Variants in CWF19L2 observed in about 807,000 individuals in gnomAD.
CWF19L2 encodes CWF19-like protein 2.
Under a neutral mutation model 111.7 loss-of-function variants are expected in CWF19L2, and 98 were observed. The observed-to-expected ratio is 0.88, with a 90% CI of 0.75 to 1.04. The LOEUF (loss-of-function observed/expected upper bound fraction) is 1.04. Among genes scored for constraint, CWF19L2 ranks in the 50% least tolerant of loss-of-function variants. CWF19L2 has a pLI of 0.00. For missense variants in CWF19L2, 1,101 were observed against 1,051.4 expected (o/e 1.05, Z -0.65); for synonymous variants, 351 against 342.9 (o/e 1.02, Z -0.26).
At chr11:107,439,541 C>T (rs1199340560) in intron 5 of CWF19L2, among the ~76,000 whole-genome samples, 1 of 152,034 alleles carries the variant, frequency 6.6e-6, no homozygotes, top group Non-Finnish European at 1.5e-5. Context: ...AATTCAAATC[C>T]CTCTCACAAT....
intron 1 of CWF19L2, 136 bp from the exon 2 acceptor site, chr11:107,455,912 T>C: frequency 1.8e-6 from 1 of 565,068 alleles, no homozygotes; most frequent in Non-Finnish European, 3.1e-6. Context: ...TTGCCAGGGA[T>C]TTGCTTCTCC....
At chr11:107,329,096 T>A (rs566793660) in intron 17 of CWF19L2, among the ~76,000 whole-genome samples, 17 of 152,250 alleles carry the variant, frequency 1.1e-4, no homozygotes, top group African/African-American at 4.1e-4. Context: ...AAGGCCCCTC[T>A]TTTTCAGAGG....
intron 3 of CWF19L2, among the ~76,000 whole-genome samples, chr11:107,448,348 A>C (rs1280459826): frequency 7.2e-6 from 1 of 139,426 alleles, no homozygotes; most frequent in Non-Finnish European, 1.6e-5. Context: ...CGTCACAAAA[A>C]AAAAAAAAAA....
intron 12 of CWF19L2, among the ~76,000 whole-genome samples, chr11:107,354,316 C>G (rs1174149509): frequency 6.6e-6 from 1 of 152,140 alleles, no homozygotes; most frequent in African/African-American, 2.4e-5. Context: ...TACATAAAGT[C>G]ATAATGGTTT....
intron 12 of CWF19L2, among the ~76,000 whole-genome samples, chr11:107,355,538 G>GAAAT (rs1257964934): frequency 2.0e-5 from 3 of 151,988 alleles, no homozygotes; most frequent in Non-Finnish European, 4.4e-5. Flanking sequence ...ATTTGAAGAT[G>GAAAT]GAGCAGTTCT....
At chr11:107,374,419 C>G (rs1321132935) in intron 12 of CWF19L2, among the ~76,000 whole-genome samples, 1 of 134,974 alleles carries the variant, frequency 7.4e-6, no homozygotes, top group African/African-American at 3.1e-5. Context: ...AACAGCAGAT[C>G]TCTCGGCAGA....
rs971101808 is a variant in CWF19L2, at chr11:107,368,220, A to T, written c.1873-14484T>A. On this transcript the variant is annotated intron_variant, in intron 12 of 17. Transcript: ENST00000282251. ...CTAGCTAAATTACCCAAGAGATAAGATCCAAATAAACAAAATCAGAAATGT... is the reference window on the plus strand; with the variant it reads ...CTAGCTAAATTACCCAAGAGATAAGTTCCAAATAAACAAAATCAGAAATGT... Among the ~76,000 whole-genome samples, 13 of 136,460 alleles carry T rather than the reference A, an allele frequency of 9.5e-5. 3 individuals are homozygous for T. Among genetic ancestry groups the T allele is most frequent in the African/African-American group, 3.8e-4 (13 of 34,144 alleles). The allele number at this position is 136,460 out of a possible 152,430, so 89.5% of individuals were successfully genotyped here. A position where few individuals can be genotyped will look rare whatever the true frequency, so the allele number is the denominator to read the frequency against.
chr11:107,393,474 T>C (rs1005468250), intron 10 of CWF19L2, among the ~76,000 whole-genome samples: 1 of 152,232 alleles, frequency 6.6e-6, no homozygotes, highest in Non-Finnish European at 1.5e-5. Flanking sequence ...GAGTAAACTT[T>C]ATTCTCTAAT....
At chr11:107,348,413 A>C (rs1218738926) in intron 14 of CWF19L2, among the ~76,000 whole-genome samples, 2 of 152,176 alleles carry the variant, frequency 1.3e-5, no homozygotes, top group African/African-American at 4.8e-5. Flanking sequence ...CCACAAAAAC[A>C]AATCCCTGAA....
Position 107,441,569 on chromosome 11 carries a change from T to C in CWF19L2, c.504A>G (p.Ser168=). ...TAGTTTCCTTTTCAGCTTTGAGTGA[T>C]GATGATGACACAGTTTTAACAGACA... is the stretch of plus-strand genomic sequence containing the variant. ...DFMSVKTVSS[S]SLKAEKETMR... The change falls in exon 5 of 18, where the codon TCA becomes TCG. Residue 168 remains serine, a synonymous_variant. Coordinates refer to ENST00000282251, the MANE Select transcript of CWF19L2 (RefSeq NM_152434.3). 1.9e-6 allele frequency: 3 copies of C among 1,552,184 alleles called. No homozygotes were observed. In the South Asian group the frequency reaches 3.6e-5, roughly 19 times the overall value.
In CWF19L2 at chr11:107,418,268, T is replaced by A. The variant is rs370941883; in HGVS notation, c.1453A>T (p.Ile485Phe). Residue 485 changes from isoleucine (I) to phenylalanine (F), a missense_variant, in exon 9 of 18, where the codon ATT becomes TTT. Ile to Phe is a conservative substitution (Grantham distance 21). Coordinates refer to ENST00000282251, the MANE Select transcript of CWF19L2 (RefSeq NM_152434.3). ...TFAGSPERESIHILSVDEKNK... is the reference protein window; with the variant it reads ...TFAGSPERESFHILSVDEKNK... ...TTCTCATCAACACTCAGGATGTGAATGGACTCACGCTCTGGACTGCTATTG... is the reference window on the plus strand; with the variant it reads ...TTCTCATCAACACTCAGGATGTGAAAGGACTCACGCTCTGGACTGCTATTG... 3.4e-5 allele frequency: 55 copies of A among 1,612,232 alleles called. No individual in the cohort carries two copies. In the African/African-American group the frequency reaches 7.1e-4, roughly 21 times the overall value.
intron 10 of CWF19L2, among the ~76,000 whole-genome samples, chr11:107,402,227 T>C (rs751590761): frequency 5.9e-5 from 9 of 151,512 alleles, no homozygotes; most frequent in Admixed American, 2.0e-4. Context: ...CAAAGAAAAA[T>C]AGCTGGGACC....
At chr11:107,334,630 G>A (rs78327939) in intron 16 of CWF19L2, among the ~76,000 whole-genome samples, 1,957 of 152,314 alleles carry the variant, frequency 0.013, 48 homozygotes, top group African/African-American at 0.043. Context: ...AGCTGCCATA[G>A]CCAATTATAG....
chr11:107,418,327 G>A, intron 8 of CWF19L2, 40 bp from the exon 9 acceptor site: 2 of 1,305,528 alleles, frequency 1.5e-6, no homozygotes, highest in Non-Finnish European at 2.2e-6. Context: ...TGAAATATAG[G>A]TGCGATGCAA....
intron 17 of CWF19L2, among the ~76,000 whole-genome samples, chr11:107,329,532 T>A (rs1284939227): frequency 6.6e-6 from 1 of 152,182 alleles, no homozygotes; most frequent in Non-Finnish European, 1.5e-5. Context: ...ATCTGTAAAG[T>A]GAAATTTATA....
intron 12 of CWF19L2, among the ~76,000 whole-genome samples, chr11:107,357,224 T>C (rs1242495196): frequency 2.0e-5 from 3 of 152,060 alleles, no homozygotes; most frequent in Non-Finnish European, 2.9e-5. Context: ...AAATCAATGT[T>C]TGAAACACAG....
chr11:107,344,138 A>G (rs1375157271), intron 14 of CWF19L2, among the ~76,000 whole-genome samples: 1 of 152,160 alleles, frequency 6.6e-6, no homozygotes, highest in African/African-American at 2.4e-5. Context: ...GATTGAACCC[A>G]GGAGGCAGAG....
At chr11:107,424,455 T>TA (rs34856316) in intron 8 of CWF19L2, among the ~76,000 whole-genome samples, 36,367 of 146,068 alleles carry the variant, frequency 0.25, 4,849 homozygotes, top group South Asian at 0.43. Context: ...CCTTTTATAA[T>TA]AAAAAAAAAA....
intron 5 of CWF19L2, among the ~76,000 whole-genome samples, chr11:107,439,920 C>A (rs1861597536): frequency 6.6e-6 from 1 of 152,130 alleles, no homozygotes; most frequent in African/African-American, 2.4e-5. Flanking sequence ...GGAGGAAAGT[C>A]TGGAGAACAA....
Sources: gnomAD v4.1 joint callset for allele counts (sites outside exome capture counted in the v4.1 genomes callset) on GRCh38, gnomAD v4.1.1 for gene constraint, MANE v1.5 for transcripts, NCBI Gene and HGNC (gene_info 2026-07-23, HGNC 2026-07-21) for gene names.